RARS1: variants seen among roughly 807,000 people sequenced by gnomAD.
RARS1 encodes the protein arginyl-tRNA synthetase 1.
A neutral mutation model predicts 78.7 loss-of-function variants in RARS1; 75 were observed. The observed-to-expected ratio is 0.95, with a 90% confidence interval of 0.79 to 1.15. RARS1 has a LOEUF of 1.15. RARS1 is among the 50% of genes most tolerant of loss of function. The pLI is 0.00. For missense variants in RARS1, 787 were observed against 787.5 expected, an observed-to-expected ratio of 1.00 and a Z score of 0.01; for synonymous variants, 273 against 268.2, an observed-to-expected ratio of 1.02 and a Z score of -0.18.
chr5:168,508,376 A>G (rs1027897269), intron 11 of RARS1, among the ~76,000 whole-genome samples: 2 of 151,104 alleles, frequency 1.3e-5, no homozygotes, highest in Non-Finnish European at 2.9e-5. Context: ...TAATCCCAGC[A>G]CTTTGGGAGG....
At chr5:168,514,752 T>C (rs542076550) in intron 12 of RARS1, among the ~76,000 whole-genome samples, 47 of 152,246 alleles carry the variant, frequency 3.1e-4, no homozygotes, top group Non-Finnish European at 5.6e-4. Context: ...ATGACCTTTT[T>C]CTAGTCTAAG....
At chr5:168,494,494 C>A (rs138815457) in intron 4 of RARS1, 56 bp from the exon 5 acceptor site, 1 of 1,594,528 alleles carries the variant, frequency 6.3e-7, no homozygotes, top group Non-Finnish European at 8.5e-7. Context: ...TCCTTAGGAG[C>A]GAGTGATTAT....
chr5:168,507,954 C>T (rs7700690), intron 11 of RARS1, among the ~76,000 whole-genome samples: 2,942 of 151,300 alleles, frequency 0.019, 90 homozygotes, highest in African/African-American at 0.067. Context: ...TGAGCATCGA[C>T]GTGGAAGTTA....
intron 1 of RARS1, chr5:168,488,175 T>C: frequency 2.6e-6 from 1 of 384,434 alleles, no homozygotes; most frequent in South Asian, 1.9e-5. Flanking sequence ...TCAAGCAGAC[T>C]GGAGTGCAGT....
chr5:168,492,892 T>G (rs368450450), intron 3 of RARS1, 45 bp downstream of exon 3: 6 of 1,418,790 alleles, frequency 4.2e-6, no homozygotes, highest in African/African-American at 1.4e-5. Context: ...TTTTTAAGTA[T>G]TATTATCATC....
chr5:168,501,908 A>T, intron 8 of RARS1, 93 bp from the exon 9 acceptor site: 1 of 1,462,716 alleles, frequency 6.8e-7, no homozygotes, highest in Non-Finnish European at 9.1e-7. Flanking sequence ...TAATATTTGT[A>T]TTAATAAATT....
At chr5:168,502,241 T>A (rs2152904808) in intron 9 of RARS1, 136 bp downstream of exon 9, 1 of 1,250,114 alleles carries the variant, frequency 8.0e-7, no homozygotes, top group East Asian at 3.0e-5. Flanking sequence ...AACCTTATTG[T>A]ATCTATACCT....
intron 1 of RARS1, among the ~76,000 whole-genome samples, chr5:168,487,953 A>G (rs954525306): frequency 2.0e-5 from 3 of 152,152 alleles, no homozygotes; most frequent in African/African-American, 7.2e-5. Context: ...AGGTCATAGG[A>G]TTTGGGAATA....
intron 7 of RARS1, among the ~76,000 whole-genome samples, chr5:168,497,599 G>T (rs1758225257): frequency 6.6e-6 from 1 of 151,956 alleles, no homozygotes; most frequent in African/African-American, 2.4e-5. Flanking sequence ...GCTAGCATCT[G>T]CTCAGTTTCT....
chr5:168,498,465 T>C (rs1758246330), intron 7 of RARS1, among the ~76,000 whole-genome samples: 1 of 152,186 alleles, frequency 6.6e-6, no homozygotes, highest in Non-Finnish European at 1.5e-5. Context: ...TTAATCTGTA[T>C]ATCAACATGT....
intron 11 of RARS1, among the ~76,000 whole-genome samples, 153 bp downstream of exon 11, chr5:168,506,984 A>G (rs1191006725): frequency 4.6e-5 from 7 of 152,242 alleles, no homozygotes; most frequent in African/African-American, 1.4e-4. Flanking sequence ...TTTTGTATCT[A>G]TATCATCACT....
At chr5:168,514,088 ATT>A (rs1462465334) in intron 12 of RARS1, among the ~76,000 whole-genome samples, 1 of 152,130 alleles carries the variant, frequency 6.6e-6, no homozygotes, top group African/African-American at 2.4e-5. Flanking sequence ...TGTAAGTTTC[ATT>A]GTTTCTCCTT....
intron 3 of RARS1, among the ~76,000 whole-genome samples, 176 bp from the exon 4 acceptor site, chr5:168,493,718 A>G (rs1561819883): frequency 1.3e-5 from 2 of 151,266 alleles, no homozygotes; most frequent in Non-Finnish European, 2.9e-5. Context: ...GGCACTTTCT[A>G]TGCCTCTTGG....
chr5:168,495,219 G>A (rs1758159174), intron 5 of RARS1, 96 bp from the exon 6 acceptor site: 6 of 1,467,836 alleles, frequency 4.1e-6, no homozygotes, highest in Non-Finnish European at 3.6e-6. Context: ...ATTAATGAAT[G>A]CATTGGAACA....
rs755756817 is a variant in RARS1, at chr5:168,488,718, A to G, written c.162A>G (p.Arg54=). 3 of 1,608,210 alleles carry G rather than the reference A, an allele frequency of 1.9e-6. No individual in the cohort carries two copies. The African/African-American group carries it at 4.0e-5, about 22-fold the overall frequency. ...AAGAAAATTTAAAATTAAAGTATCG[A>G]CTGAATATTCTTCGAAAGGTGAGTA... ...LQEENLKLKY[R]LNILRKSLQA... The change falls in exon 2 of 15, where the codon CGA becomes CGG. Residue 54 remains arginine (R), a synonymous_variant. Transcript: ENST00000231572.
In RARS1 at chr5:168,516,758, C is replaced by T. The variant is rs763888964; in HGVS notation, c.1453-20C>T. On this transcript the variant is annotated intron_variant, in intron 12 of 14. Coordinates refer to ENST00000231572, the MANE Select transcript of RARS1 (RefSeq NM_002887.4). ...GCAGCAGTCAGTAAGCTATGAAATA[C>T]TGTTTTGTTTTTCCCAAAGGTCTTA... The T allele has an allele frequency of 2.3e-5, 37 of 1,612,652 alleles. No individual in the cohort carries two copies. The Middle Eastern group carries it at 1.2e-3, about 50-fold the overall frequency.
chr5:168,503,507 A>G (rs1293838416), intron 9 of RARS1, among the ~76,000 whole-genome samples: 3 of 151,948 alleles, frequency 2.0e-5, no homozygotes, highest in African/African-American at 7.3e-5. Flanking sequence ...AATGTGTTTT[A>G]TATTTTTCAG....
intron 12 of RARS1, among the ~76,000 whole-genome samples, chr5:168,513,721 C>A (rs12519090): frequency 0.041 from 6,244 of 152,102 alleles, 429 homozygotes; most frequent in Admixed American, 0.18. Flanking sequence ...TATTATTTTG[C>A]ATTAGACAAT....
chr5:168,503,243 C>T (rs1758367595), intron 9 of RARS1, among the ~76,000 whole-genome samples: 1 of 152,198 alleles, frequency 6.6e-6, no homozygotes, highest in African/African-American at 2.4e-5. Flanking sequence ...TATTTATGAC[C>T]ATGACTTTGA....
Sources: gnomAD v4.1 joint callset for allele counts (sites outside exome capture counted in the v4.1 genomes callset) on GRCh38, gnomAD v4.1.1 for gene constraint, MANE v1.5 for transcripts, NCBI Gene and HGNC (gene_info 2026-07-23, HGNC 2026-07-21) for gene names.